Variants in GALNTL6 observed in about 807,000 individuals in gnomAD.
The protein encoded by GALNTL6 is polypeptide N-acetylgalactosaminyltransferase like 6, also known as polypeptide N-acetylgalactosaminyltransferase-like 6.
A neutral mutation model predicts 73.7 loss-of-function variants in GALNTL6; 46 were observed. The ratio of observed to expected loss-of-function variants is 0.62; its 90% CI spans 0.49 to 0.80. GALNTL6 has a LOEUF of 0.80. Among genes scored for constraint, GALNTL6 ranks in the 30% least tolerant of loss-of-function variants. GALNTL6 has a pLI of 0.00. For synonymous variants in GALNTL6, 259 were observed against 263.7 expected (o/e 0.98, Z 0.17); for missense variants, 604 against 755.0 (o/e 0.80, Z 2.34).
intron 7 of GALNTL6, among the ~76,000 whole-genome samples, chr4:172,858,048 G>A (rs996509941): frequency 6.6e-6 from 1 of 152,166 alleles, no homozygotes; most frequent in African/African-American, 2.4e-5. Context: ...TATCTTTGGA[G>A]TTGCACTTTA....
intron 2 of GALNTL6, among the ~76,000 whole-genome samples, chr4:171,978,170 TGAAAATCTTA>T (rs1475504744): frequency 6.6e-6 from 1 of 152,016 alleles, no homozygotes; most frequent in Non-Finnish European, 1.5e-5. Context: ...CAAGAAGAAA[TGAAAATCTTA>T]GATAAAATAT....
At chr4:171,852,496 G>C (rs958299233) in intron 2 of GALNTL6, among the ~76,000 whole-genome samples, 1 of 148,000 alleles carries the variant, frequency 6.8e-6, no homozygotes, top group Non-Finnish European at 1.5e-5. Flanking sequence ...AGCATTTATC[G>C]CTGTCTAAAT....
intron 2 of GALNTL6, among the ~76,000 whole-genome samples, chr4:172,226,772 A>C (rs1736882497): frequency 6.6e-6 from 1 of 151,852 alleles, no homozygotes; most frequent in African/African-American, 2.4e-5. Flanking sequence ...TCTGTTTCTC[A>C]GTAGGATTCC....
intron 2 of GALNTL6, among the ~76,000 whole-genome samples, chr4:171,978,124 A>T (rs1739776951): frequency 6.6e-6 from 1 of 152,148 alleles, no homozygotes; most frequent in South Asian, 2.1e-4. Context: ...TCTACAGAAA[A>T]TGGGTGATTT....
At chr4:172,766,102 G>A (rs771852539) in intron 5 of GALNTL6, among the ~76,000 whole-genome samples, 7 of 152,020 alleles carry the variant, frequency 4.6e-5, no homozygotes, top group African/African-American at 7.2e-5. Context: ...TTAAAGAGTC[G>A]GGCAAATGGA....
chr4:172,365,011 T>C lies in GALNTL6; in HGVS notation c.553+16322T>C, dbSNP rs557094551. ...TGCTATTTCCCCAAAGACTAGAATA[T>C]ACAATAGTAGGATGTGTAACAGTTA... is the stretch of plus-strand genomic sequence containing the variant. On this transcript the variant is annotated intron_variant, in intron 5 of 12. Coordinates refer to ENST00000506823, the MANE Select transcript of GALNTL6 (RefSeq NM_001034845.3). Among the ~76,000 whole-genome samples the C allele has an allele frequency of 8.5e-5, 13 of 152,266 alleles. No homozygotes were observed. In the South Asian group the frequency reaches 2.1e-3, roughly 24 times the overall value.
intron 5 of GALNTL6, among the ~76,000 whole-genome samples, chr4:172,476,344 G>A (rs181792323): frequency 1.4e-4 from 22 of 152,222 alleles, no homozygotes; most frequent in Admixed American, 1.4e-3. Flanking sequence ...TCACCCTTAT[G>A]CCCCAGTCAC....
chr4:172,176,359 G>A (rs1459459536), intron 2 of GALNTL6, among the ~76,000 whole-genome samples: 4 of 42,564 alleles, frequency 9.4e-5, no homozygotes, highest in African/African-American at 1.9e-4. Flanking sequence ...AAAAAAAAGA[G>A]TGTATTCAGC....
intron 5 of GALNTL6, among the ~76,000 whole-genome samples, chr4:172,705,011 C>G (rs901488731): frequency 3.3e-5 from 5 of 151,772 alleles, no homozygotes; most frequent in African/African-American, 1.2e-4. Flanking sequence ...TACTCCTGCC[C>G]TTTTGTGGTT....
intron 10 of GALNTL6, among the ~76,000 whole-genome samples, chr4:172,970,251 A>G (rs1750516217): frequency 6.6e-6 from 1 of 152,210 alleles, no homozygotes; most frequent in Non-Finnish European, 1.5e-5. Flanking sequence ...TATTGTCTTG[A>G]TAAACATCTT....
At chr4:171,950,357 C>A (rs1455758416) in intron 2 of GALNTL6, among the ~76,000 whole-genome samples, 1 of 151,738 alleles carries the variant, frequency 6.6e-6, no homozygotes, top group Non-Finnish European at 1.5e-5. Context: ...AATTAGTTAA[C>A]GTAGGTTAAA....
chr4:172,542,858 G>C (rs337996), intron 5 of GALNTL6, among the ~76,000 whole-genome samples: 121,352 of 151,944 alleles, frequency 0.8, 49,131 homozygotes, highest in East Asian at 1. Flanking sequence ...TTTGGGAGGC[G>C]CAGGCGGGTG....
At chr4:172,473,465 T>C (rs1026655093) in intron 5 of GALNTL6, among the ~76,000 whole-genome samples, 1 of 152,150 alleles carries the variant, frequency 6.6e-6, no homozygotes, top group Non-Finnish European at 1.5e-5. Flanking sequence ...TTGGTATCAC[T>C]CCACTGAAAC....
intron 10 of GALNTL6, among the ~76,000 whole-genome samples, chr4:172,973,601 A>G (rs1456076835): frequency 6.6e-6 from 1 of 152,230 alleles, no homozygotes; most frequent in African/African-American, 2.4e-5. Flanking sequence ...ATTTCATATA[A>G]TCATATATTC....
intron 2 of GALNTL6, among the ~76,000 whole-genome samples, chr4:172,189,638 A>G (rs1307901124): frequency 6.6e-6 from 1 of 152,206 alleles, no homozygotes; most frequent in Non-Finnish European, 1.5e-5. Context: ...AGTCACAGAC[A>G]TGAGCATATT....
chr4:172,168,591 AGGTGGT>A (rs910894041), intron 2 of GALNTL6, among the ~76,000 whole-genome samples: 71 of 150,856 alleles, frequency 4.7e-4, no homozygotes, highest in African/African-American at 1.7e-3. Flanking sequence ...ATGATGGTGG[AGGTGGT>A]GGTGGTGGTG....
intron 5 of GALNTL6, among the ~76,000 whole-genome samples, chr4:172,613,021 C>T (rs1300226404): frequency 6.6e-6 from 1 of 152,080 alleles, no homozygotes; most frequent in Admixed American, 6.6e-5. Flanking sequence ...TGCTCCAACC[C>T]TACCTAGAAT....
At position 172,208,978 on chromosome 4, in the gene GALNTL6, T is replaced by C. The variant is rs115438262; in HGVS notation, c.139-20678T>C. Among the ~76,000 whole-genome samples the C allele has an allele frequency of 4.4e-3, 673 of 152,258 alleles. 3 individuals carry two copies. The highest frequency in any genetic ancestry group is 0.015 in the African/African-American group (631 of 41,580). ...AGCATAAATAATTGCACAAAATACA[T>C]GAGAAAGGTTAAACTACAGGAGTTC... On this transcript the variant is annotated intron_variant, in intron 2 of 12. Coordinates refer to ENST00000506823, the MANE Select transcript of GALNTL6 (RefSeq NM_001034845.3).
chr4:172,438,434 A>G (rs1302637968), intron 5 of GALNTL6, among the ~76,000 whole-genome samples: 1 of 152,004 alleles, frequency 6.6e-6, no homozygotes, highest in Non-Finnish European at 1.5e-5. Context: ...AGAATCCATC[A>G]ATTCTAACAT....
Sources: allele counts gnomAD v4.1 joint callset (sites outside exome capture counted in the v4.1 genomes callset), GRCh38; gene constraint gnomAD v4.1.1; transcripts MANE v1.5; gene names NCBI Gene and HGNC (gene_info 2026-07-23, HGNC 2026-07-21).